LMTK2: variants seen among roughly 807,000 people sequenced by gnomAD.
LMTK2 encodes lemur tail kinase 2.
LMTK2 carries 37 observed loss-of-function variants against 127.5 expected under a neutral mutation model. The ratio of observed to expected loss-of-function variants is 0.29; its 90% confidence interval spans 0.22 to 0.38. LMTK2 has a LOEUF of 0.38. Among genes scored for constraint, LMTK2 ranks in the 10% least tolerant of loss-of-function variants. The pLI, the probability that LMTK2 is intolerant of heterozygous loss-of-function variation, is 1.00. For missense variants in LMTK2, 1,694 were observed against 1,920.3 expected (o/e 0.88, Z 2.20); for synonymous variants, 819 against 810.1 (o/e 1.01, Z -0.19).
At position 98,192,235 on chromosome 7, in the gene LMTK2, G is replaced by C. The variant is rs778933051; in HGVS notation, c.1770G>C (p.Thr590=). The change falls in exon 11 of 14, where the codon ACG becomes ACC. Residue 590 remains threonine, a synonymous_variant. Coordinates refer to ENST00000297293, the MANE Select transcript of LMTK2 (RefSeq NM_014916.4). Reference sequence around the variant, plus strand: ...CTGGCCCTGAACTGTCCCAGCTCACGGCGCTCAGGAGCGTTGAACTTGAGG... The same window carrying C: ...CTGGCCCTGAACTGTCCCAGCTCACCGCGCTCAGGAGCGTTGAACTTGAGG... ...ERTGPELSQL[T]ALRSVELEES... The C allele has an allele frequency of 3.3e-6, 5 of 1,523,932 alleles. No homozygotes were observed. In the South Asian group the frequency reaches 4.0e-5, roughly 12 times the overall value. 94.4% of individuals were successfully genotyped at this position (1,523,932 alleles called of 1,614,324 possible). A position where few individuals can be genotyped will look rare whatever the true frequency, so the allele number is the denominator to read the frequency against.
rs74767303 is a variant in LMTK2 at position 98,186,487 on chromosome 7, G to T, written c.877-390G>T. 7.8e-3 allele frequency among the ~76,000 whole-genome samples: 1,186 copies of T among 152,312 alleles called. 16 individuals are homozygous for T. Among genetic ancestry groups the T allele is most frequent in the African/African-American group, 0.027 (1,108 of 41,560 alleles). ...ACATAGCTGGTAAATGGTAGAATGAGGACTTCAAACCCCGGTCTGTCAGAG... is the reference window on the plus strand; with the variant it reads ...ACATAGCTGGTAAATGGTAGAATGATGACTTCAAACCCCGGTCTGTCAGAG... On this transcript the variant is annotated intron_variant, in intron 8 of 13. Transcript: ENST00000297293.
intron 3 of LMTK2, among the ~76,000 whole-genome samples, chr7:98,148,678 ATAATG>A (rs1291896524): frequency 2.0e-5 from 3 of 152,168 alleles, no homozygotes; most frequent in Admixed American, 2.0e-4. Context: ...GACGTTTTGA[ATAATG>A]TGATGTGCAA....
At position 98,194,064 on chromosome 7, in the gene LMTK2, G is replaced by T; in HGVS notation, c.3599G>T (p.Ser1200Ile). ...QVHPTEDEAS[S>I]PWSVLNAELS... The stretch of plus-strand genomic sequence containing the variant: ...CATCCCACGGAAGACGAGGCCAGCA[G>T]TCCCTGGAGTGTGCTGAATGCAGAA... Residue 1200 changes from serine (S) to isoleucine (I), a missense_variant, in exon 11 of 14, where the codon AGT becomes ATT. By Grantham distance (142) the Ser-to-Ile change is moderately radical. This residue lies in a region of LMTK2 where 554 missense variants were observed against 567.7 expected (regional missense o/e 0.98). Transcript: ENST00000297293. The surrounding 1 kb of genome is among the most constrained non-coding windows in gnomAD (Gnocchi z 5.4). The T allele has an allele frequency of 1.2e-6, 2 of 1,614,172 alleles. No individual in the cohort carries two copies. The highest frequency in any genetic ancestry group is 1.7e-6 in the Non-Finnish European group (2 of 1,180,056).
intron 1 of LMTK2, among the ~76,000 whole-genome samples, chr7:98,123,954 G>A (rs1796406656): frequency 6.6e-6 from 1 of 151,906 alleles, no homozygotes; most frequent in South Asian, 2.1e-4. Context: ...TTTTTAAATA[G>A]CCTCTTTCCT....
chr7:98,168,111 C>T (rs539691365), intron 6 of LMTK2, among the ~76,000 whole-genome samples: 44 of 152,096 alleles, frequency 2.9e-4, no homozygotes, highest in African/African-American at 1.0e-3. Flanking sequence ...AACAAGGAGC[C>T]AGGACCGACC....
chr7:98,151,155 A>T (rs951558916), intron 3 of LMTK2, among the ~76,000 whole-genome samples: 2 of 152,224 alleles, frequency 1.3e-5, no homozygotes, highest in Non-Finnish European at 2.9e-5. Flanking sequence ...TGGATCGGAA[A>T]AAAAACAATG....
chr7:98,129,258 G>A (rs1417281246), intron 1 of LMTK2, among the ~76,000 whole-genome samples: 1 of 151,812 alleles, frequency 6.6e-6, no homozygotes, highest in Non-Finnish European at 1.5e-5. Context: ...CTAAGTTTTT[G>A]TATTTTTTTG....
rs578231490 is a variant in LMTK2 at position 98,190,631 on chromosome 7, A to T, written c.999-97A>T. On this transcript the variant is annotated intron_variant, in intron 9 of 13. Transcript: ENST00000297293. The stretch of plus-strand genomic sequence containing the variant: ...CCTATTAATAATCTTTTCAATACAC[A>T]CCTTGTCCTTAAAATTACTGGCTAT... The T allele has an allele frequency of 1.1e-4, 122 of 1,107,274 alleles. No homozygotes were observed. The East Asian group carries it at 2.8e-3, about 26-fold the overall frequency. The allele number at this position is 1,107,274 out of a possible 1,614,324, so 68.6% of individuals were successfully genotyped here. A position where few individuals can be genotyped will look rare whatever the true frequency, so the allele number is the denominator to read the frequency against.
intron 1 of LMTK2, among the ~76,000 whole-genome samples, chr7:98,115,902 TAA>T (rs1796274962): frequency 1.3e-5 from 2 of 152,212 alleles, no homozygotes; most frequent in Admixed American, 1.3e-4. Flanking sequence ...TTTGTTTGTT[TAA>T]GAGACAAAGT....
chr7:98,192,270 C>T lies in LMTK2; in HGVS notation c.1805C>T (p.Thr602Ile), dbSNP rs1183432636. 1 of 1,531,440 alleles carries T rather than the reference C, an allele frequency of 6.5e-7. No homozygotes were observed. The highest frequency in any genetic ancestry group is 2.3e-5 in the East Asian group (1 of 44,444). 94.9% of individuals were successfully genotyped at this position (1,531,440 alleles called of 1,614,324 possible). The change falls in exon 11 of 14, where the codon ACA becomes ATA. Residue 602 changes from threonine (T) to isoleucine (I), a missense_variant. Thr to Ile is a moderately conservative substitution (Grantham distance 89, BLOSUM62 -1). Transcript: ENST00000297293. The stretch of plus-strand genomic sequence containing the variant: ...AGCGTTGAACTTGAGGAGTCCAGTA[C>T]AGATGAGGACTTCTTCCAAAGCAGT... ...LRSVELEESS[T>I]DEDFFQSSTD... is the part of the protein sequence containing the mutation.
rs537489006 is a variant in LMTK2, at chr7:98,165,990, G to A, written c.658-5551G>A. Among the ~76,000 whole-genome samples, 17 of 152,078 alleles carry A rather than the reference G, an allele frequency of 1.1e-4. No individual in the cohort carries two copies. In the South Asian group the frequency reaches 2.5e-3, roughly 22 times the overall value. On this transcript the variant is annotated intron_variant, in intron 6 of 13. Coordinates refer to ENST00000297293, the MANE Select transcript of LMTK2 (RefSeq NM_014916.4). ...TCGGGGGTACGTTCCCAGTCCCTGC[G>A]TCTGCCCTGTTCCAGTGCCCGGCCC...
chr7:98,141,459 T>C lies in LMTK2; in HGVS notation c.294T>C (p.Ser98=), dbSNP rs749190496. 3.1e-6 allele frequency: 5 copies of C among 1,613,384 alleles called. No individual in the cohort carries two copies. Among genetic ancestry groups the C allele is most frequent in the African/African-American group, 1.3e-5 (1 of 74,924 alleles). The stretch of plus-strand genomic sequence containing the variant: ...CACCACCAGCAGAAGACACTCCCTC[T>C]GTTCAGTCCCCAGCAGAGGTCTTCA... The part of the protein sequence containing the change: ...DFTPPAEDTP[S]VQSPAEVFTL... The change falls in exon 3 of 14, where the codon TCT becomes TCC. Residue 98 remains serine (S), a synonymous_variant. Coordinates refer to ENST00000297293, the MANE Select transcript of LMTK2 (RefSeq NM_014916.4).
chr7:98,177,536 C>T (rs903253004), intron 7 of LMTK2, among the ~76,000 whole-genome samples: 2 of 152,186 alleles, frequency 1.3e-5, no homozygotes, highest in African/African-American at 4.8e-5. Context: ...CGCTCTGTCA[C>T]CCAGGCTTGA....
intron 7 of LMTK2, among the ~76,000 whole-genome samples, chr7:98,183,126 C>A (rs1050047055): frequency 6.6e-6 from 1 of 152,230 alleles, no homozygotes; most frequent in Non-Finnish European, 1.5e-5. Flanking sequence ...ATTCCTTTGA[C>A]ATATTTAAAA....
chr7:98,123,984 T>G (rs1276827584), intron 1 of LMTK2, among the ~76,000 whole-genome samples: 3 of 151,614 alleles, frequency 2.0e-5, no homozygotes, highest in African/African-American at 7.3e-5. Flanking sequence ...ATACTGTCTC[T>G]TGTTATTTCT....
intron 6 of LMTK2, among the ~76,000 whole-genome samples, chr7:98,170,948 G>C (rs1797181341): frequency 6.6e-6 from 1 of 152,162 alleles, no homozygotes; most frequent in African/African-American, 2.4e-5. Context: ...AACGTGGTGA[G>C]TTTTTCTGGA....
At chr7:98,173,217 AG>A (rs942132573) in intron 7 of LMTK2, among the ~76,000 whole-genome samples, 2 of 152,170 alleles carry the variant, frequency 1.3e-5, no homozygotes, top group African/African-American at 4.8e-5. Context: ...CATTCCTTCA[AG>A]GGGGGACAGA....
At chr7:98,172,398 G>A (rs543146355) in intron 7 of LMTK2, among the ~76,000 whole-genome samples, 7 of 148,476 alleles carry the variant, frequency 4.7e-5, no homozygotes, top group South Asian at 2.1e-4. Flanking sequence ...TCCACCTCCC[G>A]GGTTCACGCC....
At position 98,192,140 on chromosome 7, in the gene LMTK2, A is replaced by T; in HGVS notation, c.1675A>T (p.Ser559Cys). The T allele has an allele frequency of 6.5e-7, 1 of 1,531,550 alleles. No homozygotes were observed. The highest frequency in any genetic ancestry group is 2.2e-5 in the Admixed American group (1 of 45,936). The allele number at this position is 1,531,550 out of a possible 1,614,324, so 94.9% of individuals were successfully genotyped here. A position where few individuals can be genotyped will look rare whatever the true frequency, so the allele number is the denominator to read the frequency against. ...SDYYIQLEEK[S>C]GSNLELDYPP... ...CTATTATATCCAGTTAGAAGAAAAAAGTGGTAGTAACTTGGAGCTTGATTA... is the reference window on the plus strand; with the variant it reads ...CTATTATATCCAGTTAGAAGAAAAATGTGGTAGTAACTTGGAGCTTGATTA... The change falls in exon 11 of 14, where the codon AGT becomes TGT. Residue 559 changes from serine to cysteine, a missense_variant. Ser to Cys is a moderately radical substitution (Grantham distance 112, BLOSUM62 -1). Coordinates refer to ENST00000297293, the MANE Select transcript of LMTK2 (RefSeq NM_014916.4).
Sources: gnomAD v4.1 joint callset for allele counts (sites outside exome capture counted in the v4.1 genomes callset) on GRCh38, gnomAD v4.1.1 for gene constraint, gnomAD v4.1.1 regional missense constraint, Gnocchi (gnomAD v3.1) non-coding constraint, MANE v1.5 for transcripts, NCBI Gene and HGNC (gene_info 2026-07-23, HGNC 2026-07-21) for gene names.